Variants in ERICH6B observed in about 807,000 individuals in gnomAD.
ERICH6B encodes glutamate-rich protein 6B.
Under a neutral mutation model 80.0 loss-of-function variants are expected in ERICH6B, and 69 were observed. That is an observed-to-expected ratio of 0.86 (90% confidence interval 0.71 to 1.05). The LOEUF is 1.05. Ranked by LOEUF, ERICH6B falls within the 50% of genes least tolerant of loss-of-function variation. The pLI is 0.00. For missense variants in ERICH6B, 754 were observed against 796.1 expected (o/e 0.95, Z 0.64); for synonymous variants, 283 against 291.9 (o/e 0.97, Z 0.31).
chr13:45,570,743 G>A (rs1202917622), intron 8 of ERICH6B, among the ~76,000 whole-genome samples: 3 of 151,780 alleles, frequency 2.0e-5, no homozygotes, highest in South Asian at 2.1e-4. Context: ...TGCAGGTTCC[G>A]TGTGACATTC....
At chr13:45,566,660 C>A (rs1874927697) in intron 9 of ERICH6B, among the ~76,000 whole-genome samples, 1 of 152,210 alleles carries the variant, frequency 6.6e-6, no homozygotes, top group Non-Finnish European at 1.5e-5. Flanking sequence ...GGAACCTCTG[C>A]CTAGATTTCA....
At chr13:45,554,209 C>T (rs1478831615) in intron 11 of ERICH6B, among the ~76,000 whole-genome samples, 1 of 152,204 alleles carries the variant, frequency 6.6e-6, no homozygotes, top group Non-Finnish European at 1.5e-5. Context: ...TAAGTGATGT[C>T]ATAAAGTATT....
chr13:45,567,229 G>C (rs1259830965), intron 9 of ERICH6B, among the ~76,000 whole-genome samples: 11 of 152,208 alleles, frequency 7.2e-5, no homozygotes, highest in Admixed American at 5.2e-4. Context: ...AGGCAGAAGG[G>C]ACTTGCCTTG....
At chr13:45,542,313 TATA>T (rs1873812342) in intron 14 of ERICH6B, among the ~76,000 whole-genome samples, 1 of 152,190 alleles carries the variant, frequency 6.6e-6, no homozygotes, top group Non-Finnish European at 1.5e-5. Flanking sequence ...ATGTCCATAT[TATA>T]GAAGACTATG....
intron 1 of ERICH6B, 57 bp from the exon 2 acceptor site, chr13:45,607,672 A>C (rs1949876269): frequency 6.6e-6 from 1 of 152,260 alleles, no homozygotes; most frequent in Non-Finnish European, 1.5e-5. Context: ...AGAAAAACAT[A>C]TTTCTTAGTA....
At chr13:45,604,372 C>G (rs139366293) in intron 2 of ERICH6B, among the ~76,000 whole-genome samples, 1 of 152,184 alleles carries the variant, frequency 6.6e-6, no homozygotes, top group Non-Finnish European at 1.5e-5. Context: ...CAGAAAGCCC[C>G]GGGGATGCTG....
At position 45,590,666 on chromosome 13, in the gene ERICH6B, C is replaced by A; in HGVS notation, c.669G>T (p.Met223Ile). Residue 223 changes from methionine to isoleucine, a missense_variant, in exon 4 of 15, where the codon ATG becomes ATT. Transcript: ENST00000298738. ...ACTGTTACCTTGCATCACGAAGAAG[C>A]ATGGTTTGTGATGAATAACTTGCCT... ...EPKASYSSQT[M>I]LLRDARSPDA... The A allele has an allele frequency of 6.4e-7, 1 of 1,551,516 alleles. No homozygotes were observed. The highest frequency in any genetic ancestry group is 1.2e-5 in the South Asian group (1 of 83,858).
chr13:45,589,256 GC>G (rs1013944473), intron 4 of ERICH6B, among the ~76,000 whole-genome samples: 3 of 151,916 alleles, frequency 2.0e-5, no homozygotes, highest in Non-Finnish European at 2.9e-5. Context: ...CACCAGGAAG[GC>G]CCCCCCAGGG....
intron 11 of ERICH6B, among the ~76,000 whole-genome samples, chr13:45,560,705 T>C (rs761569955): frequency 6.6e-6 from 1 of 152,238 alleles, no homozygotes; most frequent in Non-Finnish European, 1.5e-5. Flanking sequence ...ATAGTAGGTA[T>C]CATAATATGT....
intron 2 of ERICH6B, among the ~76,000 whole-genome samples, chr13:45,604,086 G>A (rs971810030): frequency 3.3e-5 from 5 of 152,126 alleles, no homozygotes; most frequent in African/African-American, 1.2e-4. Context: ...AAGAGAAGTC[G>A]AGCCCAGGCC....
Position 45,579,913 on chromosome 13 carries a change from G to T in ERICH6B, c.961+20C>A. On this transcript the variant is annotated intron_variant, in intron 7 of 14. Transcript: ENST00000298738. Reference sequence around the variant, plus strand: ...CTGAAGAAAGCAGGGATCTTTGGATGCATTATGTCAGATGCTCACCATTTT... The same window carrying T: ...CTGAAGAAAGCAGGGATCTTTGGATTCATTATGTCAGATGCTCACCATTTT... 1 of 1,551,440 alleles carries T rather than the reference G, an allele frequency of 6.4e-7. No individual in the cohort carries two copies. The highest frequency in any genetic ancestry group is 8.7e-7 in the Non-Finnish European group (1 of 1,146,614).
At chr13:45,576,734 A>G (rs1875422081) in intron 7 of ERICH6B, among the ~76,000 whole-genome samples, 1 of 152,094 alleles carries the variant, frequency 6.6e-6, no homozygotes, top group South Asian at 2.1e-4. Context: ...TGAATAATGC[A>G]TAATGTGAGC....
At chr13:45,606,993 G>T (rs936133415) in intron 2 of ERICH6B, among the ~76,000 whole-genome samples, 1 of 151,996 alleles carries the variant, frequency 6.6e-6, no homozygotes, top group Admixed American at 6.5e-5. Context: ...AAATCCTTGC[G>T]GCCAGTTGTG....
At chr13:45,613,891 A>G (rs552032067) in intron 1 of ERICH6B, among the ~76,000 whole-genome samples, 5 of 152,332 alleles carry the variant, frequency 3.3e-5, no homozygotes, top group African/African-American at 1.2e-4. Flanking sequence ...GGAGGAGACC[A>G]ATCGGTGTTG....
At chr13:45,577,181 G>A (rs1875441972) in intron 7 of ERICH6B, among the ~76,000 whole-genome samples, 1 of 151,994 alleles carries the variant, frequency 6.6e-6, no homozygotes, top group Non-Finnish European at 1.5e-5. Context: ...TCATCCTGAG[G>A]GTGGCTCAGA....
chr13:45,551,889 G>A (rs1450084326), intron 11 of ERICH6B, among the ~76,000 whole-genome samples: 1 of 152,094 alleles, frequency 6.6e-6, no homozygotes, highest in East Asian at 1.9e-4. Context: ...CTCCAGCTTG[G>A]ACTTTCCAGC....
chr13:45,586,310 G>A (rs982332907), intron 5 of ERICH6B, among the ~76,000 whole-genome samples: 15 of 152,146 alleles, frequency 9.9e-5, no homozygotes, highest in African/African-American at 3.4e-4. Context: ...GGGAAGGGAG[G>A]TGACGGGGGA....
intron 13 of ERICH6B, among the ~76,000 whole-genome samples, chr13:45,549,177 G>A (rs901706456): frequency 2.6e-5 from 4 of 151,806 alleles, no homozygotes; most frequent in Non-Finnish European, 5.9e-5. Context: ...TCAGCTACTC[G>A]AGAGGTTAAG....
At chr13:45,606,539 ATATATATATTTTTTTTTT>A (rs1949866021) in intron 2 of ERICH6B, among the ~76,000 whole-genome samples, 1 of 11,450 alleles carries the variant, frequency 8.7e-5, no homozygotes, top group Non-Finnish European at 2.2e-4. Flanking sequence ...ATATATATAT[ATATATATATTTTTTTTTT>A]TTTTTTTTTT....
Sources: gnomAD v4.1 joint callset for allele counts (sites outside exome capture counted in the v4.1 genomes callset) on GRCh38, gnomAD v4.1.1 for gene constraint, MANE v1.5 for transcripts, NCBI Gene and HGNC (gene_info 2026-07-23, HGNC 2026-07-21) for gene names.